Variants in DKK3 observed in about 807,000 individuals in gnomAD.
DKK3 encodes dickkopf Wnt signaling pathway inhibitor 3, also known as dickkopf-related protein 3.
A neutral mutation model predicts 33.2 loss-of-function variants in DKK3; 22 were observed. The observed-to-expected ratio is 0.66, with a 90% CI of 0.47 to 0.95. DKK3 has a LOEUF of 0.95. DKK3 is among the 40% of genes least tolerant of loss of function. DKK3 has a pLI of 0.00. For missense variants in DKK3, 398 were observed against 458.4 expected (o/e 0.87, Z 1.20); for synonymous variants, 194 against 188.8 (o/e 1.03, Z -0.23).
chr11:11,999,680 G>T (rs1848382871), intron 2 of DKK3, among the ~76,000 whole-genome samples: 1 of 152,142 alleles, frequency 6.6e-6, no homozygotes, highest in South Asian at 2.1e-4. Flanking sequence ...AAAGATGCTG[G>T]CTCAGGAGCT....
At chr11:11,976,732 G>A (rs76892590) in intron 3 of DKK3, among the ~76,000 whole-genome samples, 4,089 of 152,326 alleles carry the variant, frequency 0.027, 72 homozygotes, top group East Asian at 0.055. Context: ...GGCACAAGGT[G>A]ACTGGAGGAT....
chr11:12,009,350 C>T (rs1014629810), upstream of DKK3: 4 of 930,776 alleles, frequency 4.3e-6, no homozygotes, highest in African/African-American at 7.1e-5. Context: ...CCCCGCCCGC[C>T]CACCAGGCTC....
rs530619645 is a variant in DKK3, at chr11:11,998,773, T to C, written c.358A>G (p.Asn120Asp). 1 of 1,613,816 alleles carries C rather than the reference T, an allele frequency of 6.2e-7. No individual in the cohort carries two copies. Among genetic ancestry groups the C allele is most frequent in the African/African-American group, 1.3e-5 (1 of 75,028 alleles). Reference sequence around the variant, plus strand: ...AAGACCATTTGTCCAGTCTGGTTGTTGGTTATCTACAGTAAAACAGGTACA... The same window carrying C: ...AAGACCATTTGTCCAGTCTGGTTGTCGGTTATCTACAGTAAAACAGGTACA... ...HVHREIHKIT[N>D]NQTGQMVFSE... is the part of the protein sequence containing the mutation. The change falls in exon 3 of 7, where the codon AAC becomes GAC. Residue 120 changes from asparagine to aspartate, a missense_variant. Coordinates refer to ENST00000683431, the MANE Select transcript of DKK3 (RefSeq NM_001018057.2).
rs1847615477 is a variant in DKK3, at chr11:11,967,087, C to G, written c.540G>C (p.Arg180=). 4 of 1,613,400 alleles carry G rather than the reference C, an allele frequency of 2.5e-6. No individual in the cohort carries two copies. Residue 180 remains arginine (R), a synonymous_variant, in exon 5 of 7, where the codon CGG becomes CGC. Coordinates refer to ENST00000683431, the MANE Select transcript of DKK3 (RefSeq NM_001018057.2). The stretch of plus-strand genomic sequence containing the variant: ...GCTGGTCTCCACAGCACTCACTGTC[C>G]CGGGTGCAGAGCTGCAGACAGGTGG... ...PCRGQRMLCT[R]DSECCGDQLC...
intron 3 of DKK3, chr11:11,998,244 T>C: frequency 4.7e-6 from 1 of 213,968 alleles, no homozygotes; most frequent in Non-Finnish European, 9.2e-6. Context: ...AGCCCTGAAA[T>C]GGACGGACAG....
chr11:11,983,349 G>T (rs944180485), intron 3 of DKK3, among the ~76,000 whole-genome samples: 3 of 152,178 alleles, frequency 2.0e-5, no homozygotes, highest in African/African-American at 7.2e-5. Context: ...CAGTCCCTAG[G>T]CACATGGACT....
chr11:11,997,074 A>C (rs1315872013), intron 3 of DKK3, among the ~76,000 whole-genome samples: 1 of 152,202 alleles, frequency 6.6e-6, no homozygotes, highest in Non-Finnish European at 1.5e-5. Flanking sequence ...AACTGGACAC[A>C]GCTGCCTCGT....
At chr11:12,009,054 C>T, upstream of DKK3, 1 of 987,682 alleles carries the variant, frequency 1.0e-6, no homozygotes, top group Non-Finnish European at 1.2e-6. Context: ...GTGGACCAAG[C>T]ACAGGTCAGC....
intron 2 of DKK3, 145 bp from the exon 3 acceptor site, chr11:11,998,924 T>A (rs1162321543): frequency 2.9e-6 from 2 of 688,118 alleles, no homozygotes; most frequent in Non-Finnish European, 5.0e-6. Context: ...TCTTTCTGAG[T>A]TCCCCCAGCA....
intron 3 of DKK3, among the ~76,000 whole-genome samples, chr11:11,993,522 A>C (rs1009233287): frequency 6.6e-6 from 1 of 152,180 alleles, no homozygotes; most frequent in Non-Finnish European, 1.5e-5. Flanking sequence ...GGAGAGTACA[A>C]CTTAATATAC....
intron 3 of DKK3, among the ~76,000 whole-genome samples, chr11:11,976,347 G>GA (rs1487833504): frequency 2.6e-5 from 4 of 152,166 alleles, no homozygotes; most frequent in Non-Finnish European, 5.9e-5. Context: ...CACGGAACAA[G>GA]AAAAAACAGA....
intron 1 of DKK3, 117 bp from the exon 2 acceptor site, chr11:12,002,554 T>C (rs917804009): frequency 2.8e-6 from 3 of 1,088,012 alleles, no homozygotes; most frequent in African/African-American, 1.6e-5. Flanking sequence ...ATGATGATGA[T>C]AGGTGCTATT....
chr11:12,009,607 T>C, upstream of DKK3: 1 of 985,862 alleles, frequency 1.0e-6, no homozygotes, highest in Non-Finnish European at 1.2e-6. Flanking sequence ...CCACCGAGGT[T>C]GGGGGTAGGG....
Position 11,964,604 on chromosome 11 carries a change from G to A in DKK3, c.913C>T (p.Pro305Ser), listed in dbSNP as rs1023002256. Residue 305 changes from proline (P) to serine (S), a missense_variant, in exon 7 of 7, where the codon CCC becomes TCC. Coordinates refer to ENST00000683431, the MANE Select transcript of DKK3 (RefSeq NM_001018057.2). ...AAGCTGCCAACTTCATACTCATCGGGGACCTCTCTGGGCAGCAGGATCTCC... is the reference window on the plus strand; with the variant it reads ...AAGCTGCCAACTTCATACTCATCGGAGACCTCTCTGGGCAGCAGGATCTCC... ...DGEILLPREVPDEYEVGSFME... is the reference protein window; with the variant it reads ...DGEILLPREVSDEYEVGSFME... 1.9e-6 allele frequency: 3 copies of A among 1,614,118 alleles called. No individual in the cohort carries two copies. Among genetic ancestry groups the A allele is most frequent in the Admixed American group, 3.3e-5 (2 of 60,016 alleles).
intron 3 of DKK3, among the ~76,000 whole-genome samples, chr11:11,983,576 C>T (rs1848001901): frequency 6.6e-6 from 1 of 152,204 alleles, no homozygotes; most frequent in South Asian, 2.1e-4. Flanking sequence ...AGACAGGCTG[C>T]AGAGGGAGAA....
At chr11:11,998,831 T>C (rs1341718888) in intron 2 of DKK3, 52 bp from the exon 3 acceptor site, 1 of 1,522,842 alleles carries the variant, frequency 6.6e-7, no homozygotes, top group Non-Finnish European at 9.1e-7. Context: ...TCTGGACAAA[T>C]TCCACAAGTT....
At chr11:11,998,482 T>C in intron 3 of DKK3, 1 of 619,670 alleles carries the variant, frequency 1.6e-6, no homozygotes, top group Non-Finnish European at 2.9e-6. Context: ...TTAATTTATC[T>C]GTTGTTTCTG....
intron 3 of DKK3, among the ~76,000 whole-genome samples, chr11:11,992,018 T>TTAA (rs1200244422): frequency 6.6e-6 from 1 of 152,238 alleles, no homozygotes; most frequent in East Asian, 1.9e-4. Flanking sequence ...GCTTCTCCGA[T>TTAA]GTTAGAGACT....
At chr11:11,982,303 G>C (rs1478613098) in intron 3 of DKK3, among the ~76,000 whole-genome samples, 1 of 151,998 alleles carries the variant, frequency 6.6e-6, no homozygotes, top group African/African-American at 2.4e-5. Context: ...GGCCCTGCTG[G>C]GTAAAGGGTC....
Sources: allele counts gnomAD v4.1 joint callset (sites outside exome capture counted in the v4.1 genomes callset), GRCh38; gene constraint gnomAD v4.1.1; transcripts MANE v1.5; gene names NCBI Gene and HGNC (gene_info 2026-07-23, HGNC 2026-07-21).